Variants in TRPM6 observed in about 807,000 individuals in gnomAD.
The protein encoded by TRPM6 is channel kinase 2.
Under a neutral mutation model 247.6 loss-of-function variants are expected in TRPM6, and 111 were observed. The ratio of observed to expected loss-of-function variants is 0.45; its 90% CI spans 0.38 to 0.52. The LOEUF is 0.52. Among genes scored for constraint, TRPM6 ranks in the 20% least tolerant of loss-of-function variants. TRPM6 has a pLI of 0.00. For synonymous variants in TRPM6, 892 were observed against 853.8 expected, an observed-to-expected ratio of 1.04 and a Z score of -0.78; for missense variants, 2,126 against 2,421.5, an observed-to-expected ratio of 0.88 and a Z score of 2.56.
intron 23 of TRPM6, among the ~76,000 whole-genome samples, chr9:74,780,513 G>C (rs769272369): frequency 2.6e-5 from 4 of 151,974 alleles, no homozygotes; most frequent in Non-Finnish European, 4.4e-5. Flanking sequence ...ATAAGTCATT[G>C]TAGTGACTTA....
At chr9:74,880,423 T>C (rs1466614361) in intron 1 of TRPM6, among the ~76,000 whole-genome samples, 1 of 152,074 alleles carries the variant, frequency 6.6e-6, no homozygotes, top group African/African-American at 2.4e-5. Flanking sequence ...GAATTCTAAA[T>C]TCTAAAAACA....
Position 74,816,932 on chromosome 9 carries a change from C to T in TRPM6, c.1167G>A (p.Gln389=). The T allele has an allele frequency of 1.2e-6, 2 of 1,614,150 alleles. No individual in the cohort carries two copies. Among genetic ancestry groups the T allele is most frequent in the Middle Eastern group, 3.3e-4 (2 of 6,062 alleles). Residue 389 remains glutamine, a synonymous_variant, in exon 10 of 39, where the codon CAG becomes CAA. Transcript: ENST00000360774. The part of the protein sequence containing the change: ...ITIFDADSEE[Q]QDLDLAILTA... ...TTAGGATTGCTAAGTCCAGGTCTTG[C>T]TGCTCTTCAGAGTCAGCATCAAATA... is the stretch of plus-strand genomic sequence containing the variant.
At chr9:74,804,813 C>T (rs1327575654) in intron 14 of TRPM6, 2 of 553,352 alleles carry the variant, frequency 3.6e-6, no homozygotes, top group African/African-American at 1.9e-5. Context: ...TGGAAATAAG[C>T]TTAATGTAAA....
rs1825184566 is a variant in TRPM6, at chr9:74,722,789, C to A, written c.*1824G>T. 6.6e-6 allele frequency: 1 copy of A among 152,168 alleles called. No homozygotes were observed. The highest frequency in any genetic ancestry group is 6.6e-5 in the Admixed American group (1 of 15,266). 9.4% of individuals were successfully genotyped at this position (152,168 alleles called of 1,614,324 possible). On this transcript the variant is annotated 3_prime_UTR_variant, in exon 39 of 39. Transcript: ENST00000360774. ...CCCAAGTAAAAGGGGAATAAATTAG[C>A]CCTTGTGGAACTCAAACTTACAAGA...
intron 23 of TRPM6, among the ~76,000 whole-genome samples, chr9:74,776,724 TAC>T (rs1370009161): frequency 6.6e-6 from 1 of 152,168 alleles, no homozygotes; most frequent in Non-Finnish European, 1.5e-5. Context: ...TGATTGGAGG[TAC>T]AGTTATTCTG....
chr9:74,880,472 C>T (rs1319717195), intron 1 of TRPM6, among the ~76,000 whole-genome samples: 2 of 151,988 alleles, frequency 1.3e-5, no homozygotes, highest in African/African-American at 4.8e-5. Flanking sequence ...CAGGAACCTC[C>T]ATCAGACTAA....
chr9:74,774,585 G>T (rs1827153661), intron 24 of TRPM6, among the ~76,000 whole-genome samples: 1 of 152,128 alleles, frequency 6.6e-6, no homozygotes, highest in Admixed American at 6.5e-5. Flanking sequence ...ATAATATACT[G>T]CAGGGGATGA....
intron 38 of TRPM6, among the ~76,000 whole-genome samples, 185 bp from the exon 39 acceptor site, chr9:74,724,931 C>G (rs1237595695): frequency 1.3e-5 from 2 of 152,186 alleles, no homozygotes; most frequent in Non-Finnish European, 2.9e-5. Context: ...CCAATACCCC[C>G]CTTCCTTCCC....
At chr9:74,810,956 T>A (rs1020681023) in intron 12 of TRPM6, 88 bp from the exon 13 acceptor site, 9 of 992,734 alleles carry the variant, frequency 9.1e-6, no homozygotes, top group Admixed American at 1.9e-5. Flanking sequence ...CATAAGTAAC[T>A]GAGAATACTG....
intron 11 of TRPM6, among the ~76,000 whole-genome samples, chr9:74,814,302 G>GAAGA (rs1276065878): frequency 6.6e-6 from 1 of 152,002 alleles, no homozygotes; most frequent in African/African-American, 2.4e-5. Context: ...CAGAAGCTGG[G>GAAGA]AAGAGTACTG....
chr9:74,887,524 AC>A, intron 1 of TRPM6: 2 of 1,241,708 alleles, frequency 1.6e-6, no homozygotes, highest in Non-Finnish European at 2.3e-6. Context: ...CCCGAGCTGA[AC>A]CCCCGACCCC....
chr9:74,765,442 A>C (rs1156432245), intron 25 of TRPM6, among the ~76,000 whole-genome samples: 1 of 151,480 alleles, frequency 6.6e-6, no homozygotes, highest in Non-Finnish European at 1.5e-5. Context: ...TTCACAGTGA[A>C]CTCTGGCATA....
rs748970410 is a variant in TRPM6, at chr9:74,827,963, A to AG, written c.670-15dup. On this transcript the variant is annotated splice_polypyrimidine_tract_variant and intron_variant, in intron 6 of 38. Coordinates refer to ENST00000360774, the MANE Select transcript of TRPM6 (RefSeq NM_017662.5). ...CAGGCACACCACCTGAGAGACAGCA[A>AG]GGACAAGGGAGGGTCAGAGCTCTAG... is the stretch of plus-strand genomic sequence containing the variant. The AG allele has an allele frequency of 6.2e-7, 1 of 1,613,518 alleles. No individual in the cohort carries two copies. The highest frequency in any genetic ancestry group is 2.2e-5 in the East Asian group (1 of 44,860).
At chr9:74,834,401 G>A (rs540639928) in intron 5 of TRPM6, among the ~76,000 whole-genome samples, 8 of 152,000 alleles carry the variant, frequency 5.3e-5, no homozygotes, top group Non-Finnish European at 1.2e-4. Flanking sequence ...TCTTGCCTAA[G>A]CAAAATGCTG....
intron 37 of TRPM6, among the ~76,000 whole-genome samples, chr9:74,731,067 T>C (rs1825503456): frequency 6.6e-6 from 1 of 152,202 alleles, no homozygotes; most frequent in Non-Finnish European, 1.5e-5. Flanking sequence ...TTGGCTTTTG[T>C]TTTTAAGTTC....
rs1404948782 is a variant in TRPM6, at chr9:74,723,667, T to C, written c.*946A>G. 1 of 151,406 alleles carries C rather than the reference T, an allele frequency of 6.6e-6. No individual in the cohort carries two copies. Among genetic ancestry groups the C allele is most frequent in the East Asian group, 1.9e-4 (1 of 5,168 alleles). 9.4% of individuals were successfully genotyped at this position (151,406 alleles called of 1,614,324 possible). A position where few individuals can be genotyped will look rare whatever the true frequency, so the allele number is the denominator to read the frequency against. ...AAAATACAAAATTAGCCAGGCATAG[T>C]GGTGCACACCTGTAGTCCCAGCTAC... On this transcript the variant is annotated 3_prime_UTR_variant, in exon 39 of 39. Transcript: ENST00000360774.
intron 8 of TRPM6, among the ~76,000 whole-genome samples, chr9:74,821,135 A>C (rs1829116577): frequency 1.3e-5 from 2 of 152,214 alleles, no homozygotes; most frequent in Non-Finnish European, 2.9e-5. Context: ...CAGTAGAAAT[A>C]TCATGCTTTT....
rs551485728 is a variant in TRPM6 at position 74,878,674 on chromosome 9, A to G, written c.33+9150T>C. On this transcript the variant is annotated intron_variant, in intron 1 of 38. Coordinates refer to ENST00000360774, the MANE Select transcript of TRPM6 (RefSeq NM_017662.5). Reference sequence around the variant, plus strand: ...CAAAAGATTGGAAGAAGCAATGGTTATGCCACATGCACAGATATCAATGTA... The same window carrying G: ...CAAAAGATTGGAAGAAGCAATGGTTGTGCCACATGCACAGATATCAATGTA... Among the ~76,000 whole-genome samples the G allele has an allele frequency of 4.6e-5, 7 of 152,388 alleles. No homozygotes were observed. The East Asian group carries it at 1.3e-3, about 29-fold the overall frequency.
intron 11 of TRPM6, among the ~76,000 whole-genome samples, chr9:74,814,034 T>C (rs958345478): frequency 6.6e-6 from 1 of 152,094 alleles, no homozygotes; most frequent in African/African-American, 2.4e-5. Context: ...GAGGTGGACA[T>C]TGCAATAAGC....
Sources: gnomAD v4.1 joint callset for allele counts (sites outside exome capture counted in the v4.1 genomes callset) on GRCh38, gnomAD v4.1.1 for gene constraint, MANE v1.5 for transcripts, NCBI Gene and HGNC (gene_info 2026-07-23, HGNC 2026-07-21) for gene names.